ASIC2: variants seen among roughly 807,000 people sequenced by gnomAD.
The protein encoded by ASIC2 is acid sensing ion channel subunit 2, also known as acid-sensing ion channel 2.
Under a neutral mutation model 57.3 loss-of-function variants are expected in ASIC2, and 25 were observed. The ratio of observed to expected loss-of-function variants is 0.44; its 90% confidence interval spans 0.32 to 0.61. The LOEUF (loss-of-function observed/expected upper bound fraction) is 0.61. ASIC2 is among the 20% of genes least tolerant of loss of function. The pLI, the probability that ASIC2 is intolerant of heterozygous loss-of-function variation, is 0.06. For synonymous variants in ASIC2, 319 were observed against 307.5 expected (o/e 1.04, Z -0.39); for missense variants, 641 against 738.1 (o/e 0.87, Z 1.52).
chr17:34,155,657 G>A (rs943342182), intron 1 of ASIC2: 1 of 326,580 alleles, frequency 3.1e-6, no homozygotes, highest in Admixed American at 4.7e-5. Flanking sequence ...CGGACACCAA[G>A]CGGACCGGAC....
intron 1 of ASIC2, among the ~76,000 whole-genome samples, chr17:33,480,321 G>A (rs1313767552): frequency 6.6e-6 from 1 of 152,128 alleles, no homozygotes; most frequent in East Asian, 1.9e-4. Flanking sequence ...ATAGTAACAT[G>A]AGGAACAGAT....
At chr17:33,743,905 G>A (rs1280672093) in intron 1 of ASIC2, among the ~76,000 whole-genome samples, 2 of 152,178 alleles carry the variant, frequency 1.3e-5, no homozygotes, top group Admixed American at 6.5e-5. Flanking sequence ...ACAACAGGCT[G>A]TGAATACTGG....
intron 1 of ASIC2, among the ~76,000 whole-genome samples, chr17:34,045,053 C>T (rs994865338): frequency 2.0e-5 from 3 of 152,126 alleles, no homozygotes; most frequent in Non-Finnish European, 4.4e-5. Flanking sequence ...CATAGAGGGA[C>T]GTGCTTAATG....
chr17:33,375,780 C>T (rs540153393), intron 1 of ASIC2, among the ~76,000 whole-genome samples: 1 of 152,236 alleles, frequency 6.6e-6, no homozygotes, highest in South Asian at 2.1e-4. Flanking sequence ...GGTAGCAATG[C>T]AAGGTATCGA....
chr17:33,574,356 G>C (rs1916550568), intron 1 of ASIC2, among the ~76,000 whole-genome samples: 1 of 152,094 alleles, frequency 6.6e-6, no homozygotes, highest in Non-Finnish European at 1.5e-5. Flanking sequence ...TATCTTACCT[G>C]TCCATAGCCT....
chr17:33,384,635 T>C (rs1909609695), intron 1 of ASIC2, among the ~76,000 whole-genome samples: 1 of 152,164 alleles, frequency 6.6e-6, no homozygotes, highest in Admixed American at 6.5e-5. Context: ...CTCCATGCTG[T>C]ATCTGTTCTG....
intron 1 of ASIC2, among the ~76,000 whole-genome samples, chr17:33,570,568 C>T (rs1477610376): frequency 6.6e-6 from 1 of 152,172 alleles, no homozygotes; most frequent in Non-Finnish European, 1.5e-5. Context: ...TTGATTAGTC[C>T]CAGAGAACCA....
At chr17:33,109,593 C>T (rs1199662207) in intron 2 of ASIC2, among the ~76,000 whole-genome samples, 2 of 152,222 alleles carry the variant, frequency 1.3e-5, no homozygotes, top group Non-Finnish European at 2.9e-5. Context: ...ACATCTGGCA[C>T]CCCGAGTGAG....
chr17:33,428,946 T>C (rs986257748), intron 1 of ASIC2, among the ~76,000 whole-genome samples: 7 of 152,248 alleles, frequency 4.6e-5, no homozygotes, highest in African/African-American at 1.7e-4. Context: ...GCTGTCTCTT[T>C]GTACTCCCTC....
At chr17:33,534,417 T>C (rs549262431) in intron 1 of ASIC2, 52 of 152,318 alleles carry the variant, frequency 3.4e-4, no homozygotes, top group African/African-American at 1.3e-3. Flanking sequence ...GAGCAGTATG[T>C]GCTGATTGCC....
At chr17:33,047,224 T>G (rs530938318) in intron 3 of ASIC2, among the ~76,000 whole-genome samples, 12 of 152,200 alleles carry the variant, frequency 7.9e-5, no homozygotes, top group Non-Finnish European at 1.5e-4. Context: ...TTGACCCCCT[T>G]CCCTCTCAGA....
chr17:33,381,210 C>A (rs1213103876), intron 1 of ASIC2, among the ~76,000 whole-genome samples: 1 of 152,172 alleles, frequency 6.6e-6, no homozygotes, highest in Non-Finnish European at 1.5e-5. Flanking sequence ...GGCTCTGAAA[C>A]CAAAGCTAGC....
At chr17:33,754,460 C>T (rs1316004432) in intron 1 of ASIC2, among the ~76,000 whole-genome samples, 1 of 152,086 alleles carries the variant, frequency 6.6e-6, no homozygotes, top group Non-Finnish European at 1.5e-5. Context: ...CCCTGAGCTC[C>T]TGGGGGCTTC....
At chr17:33,760,437 C>A (rs1910745376) in intron 1 of ASIC2, among the ~76,000 whole-genome samples, 1 of 151,752 alleles carries the variant, frequency 6.6e-6, no homozygotes, top group East Asian at 1.9e-4. Flanking sequence ...CAAATCATAG[C>A]CAGATTTTAT....
At chr17:34,049,859 G>C (rs146825005) in intron 1 of ASIC2, among the ~76,000 whole-genome samples, 4 of 152,210 alleles carry the variant, frequency 2.6e-5, no homozygotes, top group Non-Finnish European at 4.4e-5. Context: ...TCTCCTCTGT[G>C]TTCATGTTGG....
chr17:33,308,559 T>C (rs1906275866), intron 1 of ASIC2, among the ~76,000 whole-genome samples: 2 of 152,198 alleles, frequency 1.3e-5, no homozygotes, highest in South Asian at 4.1e-4. Flanking sequence ...AGAGCCTTGT[T>C]CAGTGCGTGG....
intron 1 of ASIC2, among the ~76,000 whole-genome samples, chr17:33,670,334 T>C (rs1265068287): frequency 6.6e-6 from 1 of 152,202 alleles, no homozygotes. Context: ...TGTCTTCTAA[T>C]GCAGAGAAAA....
chr17:33,256,339 T>C (rs954534741), intron 1 of ASIC2, among the ~76,000 whole-genome samples: 1 of 152,160 alleles, frequency 6.6e-6, no homozygotes, highest in Non-Finnish European at 1.5e-5. Flanking sequence ...GTGTAGAATA[T>C]GAGCCCAGTG....
intron 1 of ASIC2, among the ~76,000 whole-genome samples, chr17:33,429,672 G>T (rs1448841683): frequency 2.0e-5 from 3 of 152,150 alleles, no homozygotes; most frequent in Non-Finnish European, 2.9e-5. Flanking sequence ...TTAGAGGTAT[G>T]AGCCACCGCC....
Sources: allele counts gnomAD v4.1 joint callset (sites outside exome capture counted in the v4.1 genomes callset), GRCh38; gene constraint gnomAD v4.1.1; transcripts MANE v1.5; gene names NCBI Gene and HGNC (gene_info 2026-07-23, HGNC 2026-07-21).